Variants in NDE1 observed in about 807,000 individuals in gnomAD.
The protein encoded by NDE1 is nuclear distribution protein nudE homolog 1.
In NDE1, 28 loss-of-function variants were observed where a neutral mutation model predicts 43.4. The observed-to-expected ratio is 0.65, with a 90% CI of 0.48 to 0.89. The LOEUF is 0.89. NDE1 is among the 40% of genes least tolerant of loss of function. The pLI is 0.00. For synonymous variants in NDE1, 184 were observed against 172.0 expected, an observed-to-expected ratio of 1.07 and a Z score of -0.55; for missense variants, 441 against 434.1, an observed-to-expected ratio of 1.02 and a Z score of -0.14.
At chr16:15,721,127 C>A in intron 8 of NDE1, 2 of 1,516,156 alleles carry the variant, frequency 1.3e-6, no homozygotes, top group Non-Finnish European at 1.8e-6. Flanking sequence ...CCGTGAGCGG[C>A]ACCTCAGGAG....
chr16:15,702,589 T>A (rs1272534828), intron 8 of NDE1, among the ~76,000 whole-genome samples: 2 of 151,450 alleles, frequency 1.3e-5, no homozygotes, highest in Non-Finnish European at 2.9e-5. Context: ...ACCTTTTTTT[T>A]ATAGAGACGG....
chr16:15,718,478 C>T, intron 8 of NDE1: 1 of 1,537,836 alleles, frequency 6.5e-7, no homozygotes, highest in Non-Finnish European at 8.7e-7. Context: ...TCTACCCTCC[C>T]CCGCCTTAAA....
chr16:15,713,788 T>G (rs1006768617), intron 8 of NDE1: 1 of 152,306 alleles, frequency 6.6e-6, no homozygotes, highest in African/African-American at 2.4e-5. Flanking sequence ...CCAGCCAAGC[T>G]TGAGTTTCAT....
chr16:15,656,771 C>T (rs937833622), intron 1 of NDE1, among the ~76,000 whole-genome samples: 1 of 152,028 alleles, frequency 6.6e-6, no homozygotes, highest in Non-Finnish European at 1.5e-5. Context: ...GAACTCCTGG[C>T]TTCAAGTGAT....
chr16:15,694,077 C>T, intron 6 of NDE1, 88 bp from the exon 7 acceptor site: 1 of 1,470,978 alleles, frequency 6.8e-7, no homozygotes, highest in Admixed American at 1.9e-5. Flanking sequence ...AGTGTCCCTC[C>T]TGTCCCGTGG....
intron 7 of NDE1, among the ~76,000 whole-genome samples, chr16:15,695,203 C>CTTTTTTTT (rs71134451): frequency 3.1e-4 from 25 of 79,686 alleles, no homozygotes; most frequent in African/African-American, 1.1e-3. Context: ...AAACTGCCAC[C>CTTTTTTTT]TTTTTTTTTT....
At chr16:15,680,134 C>G (rs1567641770) in intron 4 of NDE1, among the ~76,000 whole-genome samples, 1 of 152,164 alleles carries the variant, frequency 6.6e-6, no homozygotes, top group Non-Finnish European at 1.5e-5. Context: ...AGGTGGTTTA[C>G]TTGGCTGAGC....
At chr16:15,692,512 T>C (rs1295006362) in intron 6 of NDE1, among the ~76,000 whole-genome samples, 1 of 151,834 alleles carries the variant, frequency 6.6e-6, no homozygotes, top group Non-Finnish European at 1.5e-5. Flanking sequence ...CAGGTTCAAG[T>C]GATTCTCCTG....
chr16:15,647,346 G>A (rs1302258103), upstream of NDE1, among the ~76,000 whole-genome samples: 2 of 152,180 alleles, frequency 1.3e-5, no homozygotes, highest in African/African-American at 4.8e-5. Flanking sequence ...AAGAAGGAGG[G>A]TTTAGGAGTC....
At chr16:15,682,866 A>G (rs1036231773) in intron 4 of NDE1, among the ~76,000 whole-genome samples, 4 of 152,072 alleles carry the variant, frequency 2.6e-5, no homozygotes, top group African/African-American at 7.2e-5. Context: ...CTGGGACTAC[A>G]TTGCATGTGC....
At chr16:15,661,075 A>G (rs563741564) in intron 1 of NDE1, among the ~76,000 whole-genome samples, 3 of 152,148 alleles carry the variant, frequency 2.0e-5, no homozygotes, top group African/African-American at 7.2e-5. Flanking sequence ...TTGGTGTGTC[A>G]TGGACATGTC....
At chr16:15,691,118 A>T in intron 5 of NDE1, 26 bp from the exon 6 acceptor site, 3 of 1,613,922 alleles carry the variant, frequency 1.9e-6, no homozygotes, top group Non-Finnish European at 2.5e-6. Context: ...GAGGACTTGA[A>T]TTCCTGAATC....
chr16:15,717,530 C>T lies in NDE1; in HGVS notation c.948-6661C>T, dbSNP rs546763521. Reference sequence around the variant, plus strand: ...TTCTTCCAGGCCGGGCGTGGTGGCGCACGCCTGTAATCCCAGCACTTTTGG... The same window carrying T: ...TTCTTCCAGGCCGGGCGTGGTGGCGTACGCCTGTAATCCCAGCACTTTTGG... On this transcript the variant is annotated intron_variant, in intron 8 of 8. Coordinates refer to ENST00000396354, the MANE Select transcript of NDE1 (RefSeq NM_017668.3). The T allele has an allele frequency of 1.7e-4, 110 of 643,152 alleles. 1 individual carries two copies. The East Asian group carries it at 3.0e-3, about 18-fold the overall frequency. 39.8% of individuals were successfully genotyped at this position (643,152 alleles called of 1,614,324 possible). A position where few individuals can be genotyped will look rare whatever the true frequency, so the allele number is the denominator to read the frequency against.
chr16:15,646,521 C>T (rs565539479), upstream of NDE1, among the ~76,000 whole-genome samples: 56 of 151,410 alleles, frequency 3.7e-4, no homozygotes, highest in African/African-American at 1.1e-3. Context: ...GAAGAGGTTG[C>T]GGTGAGCCGA....
chr16:15,710,919 C>G (rs1275075084), intron 8 of NDE1, among the ~76,000 whole-genome samples: 1 of 152,136 alleles, frequency 6.6e-6, no homozygotes, highest in Non-Finnish European at 1.5e-5. Context: ...CTCAGGTGAT[C>G]AGCCCACCTC....
intron 2 of NDE1, among the ~76,000 whole-genome samples, chr16:15,665,590 C>CCCA (rs2037261008): frequency 6.6e-6 from 1 of 151,462 alleles, no homozygotes; most frequent in Non-Finnish European, 1.5e-5. Context: ...ATTACAGGCA[C>CCCA]CCACCACCAC....
chr16:15,719,341 A>G (rs759822349), intron 8 of NDE1: 1 of 1,603,432 alleles, frequency 6.2e-7, no homozygotes, highest in Non-Finnish European at 8.5e-7. Context: ...GTTGTCTGCC[A>G]GGGAAAGGCC....
At chr16:15,720,128 C>G in intron 8 of NDE1, 1 of 1,614,104 alleles carries the variant, frequency 6.2e-7, no homozygotes, top group Non-Finnish European at 8.5e-7. Context: ...CCACCCATGC[C>G]CCAAGCTCCT....
rs145505544 is a variant in NDE1 at position 15,704,102 on chromosome 16, G to A, written c.947+7242G>A. On this transcript the variant is annotated intron_variant, in intron 8 of 8. Coordinates refer to ENST00000396354, the MANE Select transcript of NDE1 (RefSeq NM_017668.3). ...GTCCTCCAGACCTTCTAGAAGGAAC[G>A]AAAGAGGTCTCGTTTCCTCGCCTGT... 16 of 1,614,080 alleles carry A rather than the reference G, an allele frequency of 9.9e-6. No individual in the cohort carries two copies. Among genetic ancestry groups the A allele is most frequent in the African/African-American group, 9.3e-5 (7 of 75,020 alleles).
Sources: allele counts gnomAD v4.1 joint callset (sites outside exome capture counted in the v4.1 genomes callset), GRCh38; gene constraint gnomAD v4.1.1; transcripts MANE v1.5; gene names NCBI Gene and HGNC (gene_info 2026-07-23, HGNC 2026-07-21).